The following ADAMTS3 variants were observed in gnomAD, a reference collection of about 807,000 sequenced individuals.
ADAMTS3 encodes the protein ADAM metallopeptidase with thrombospondin type 1 motif 3, also known as A disintegrin and metalloproteinase with thrombospondin motifs 3.
Under a neutral mutation model 129.0 loss-of-function variants are expected in ADAMTS3, and 73 were observed. The ratio of observed to expected loss-of-function variants is 0.57; its 90% confidence interval spans 0.47 to 0.69. ADAMTS3 has a LOEUF of 0.69. Among genes scored for constraint, ADAMTS3 ranks in the 30% least tolerant of loss-of-function variants. The probability of loss-of-function intolerance (pLI) is 0.00; values close to 1 mark genes in which losing one functional copy is unlikely to be tolerated. For synonymous variants in ADAMTS3, 477 were observed against 510.8 expected (o/e 0.93, Z 0.89); for missense variants, 1,457 against 1,514.5 (o/e 0.96, Z 0.63).
Position 72,304,066 on chromosome 4 carries a change from C to G in ADAMTS3, c.2275G>C (p.Ala759Pro). The G allele has an allele frequency of 6.2e-7, 1 of 1,613,302 alleles. No homozygotes were observed. Among genetic ancestry groups the G allele is most frequent in the Non-Finnish European group, 8.5e-7 (1 of 1,179,518 alleles). ...CCATTTAAAATATAATGGCCTGTAG[C>G]CTGGTTCTTAATAGCTAAAGGGAGA... ...SPHILAIKNQ[A>P]TGHYILNGKG... is the part of the protein sequence containing the mutation. The change falls in exon 17 of 22, where the codon GCT becomes CCT. Residue 759 changes from alanine to proline, a missense_variant. Transcript: ENST00000286657.
chr4:72,299,254 C>T (rs1019160748), intron 17 of ADAMTS3, among the ~76,000 whole-genome samples: 1 of 151,972 alleles, frequency 6.6e-6, no homozygotes, highest in Admixed American at 6.6e-5. Flanking sequence ...ATGATGGGAA[C>T]TTGCTTGGTG....
chr4:72,312,509 C>T, intron 12 of ADAMTS3, 43 bp from the exon 13 acceptor site: 1 of 1,596,990 alleles, frequency 6.3e-7, no homozygotes, highest in Non-Finnish European at 8.5e-7. Flanking sequence ...TGGCTTCTGT[C>T]TAGCAGTTGA....
rs1166988591 is a variant in ADAMTS3 at position 72,281,571 on chromosome 4, G to C, written c.*1565C>G. 1.3e-5 allele frequency: 2 copies of C among 152,114 alleles called. No individual in the cohort carries two copies. The allele number at this position is 152,114 out of a possible 1,614,324, so 9.4% of individuals were successfully genotyped here. On this transcript the variant is annotated 3_prime_UTR_variant, in exon 22 of 22. Transcript: ENST00000286657. ...ACAATTTCATTGAACAGCTAGCTGA[G>C]TCCATACAATTTAATGTTTCCTTGA...
At chr4:72,392,034 G>A (rs1721607984) in intron 4 of ADAMTS3, among the ~76,000 whole-genome samples, 1 of 152,200 alleles carries the variant, frequency 6.6e-6, no homozygotes, top group African/African-American at 2.4e-5. Context: ...GTGGCCCTAT[G>A]CTGAGCACAT....
At chr4:72,379,678 A>T (rs544229109) in intron 4 of ADAMTS3, among the ~76,000 whole-genome samples, 5 of 152,288 alleles carry the variant, frequency 3.3e-5, no homozygotes, top group Non-Finnish European at 7.4e-5. Flanking sequence ...CATCTGTAGT[A>T]TCACTATGCC....
intron 2 of ADAMTS3, among the ~76,000 whole-genome samples, chr4:72,561,169 G>A (rs1721894147): frequency 6.6e-6 from 1 of 152,086 alleles, no homozygotes; most frequent in Admixed American, 6.5e-5. Context: ...GGCCAAGATG[G>A]TGAAACTCGT....
intron 3 of ADAMTS3, among the ~76,000 whole-genome samples, chr4:72,463,254 A>G (rs1718821403): frequency 6.6e-6 from 1 of 152,134 alleles, no homozygotes; most frequent in South Asian, 2.1e-4. Flanking sequence ...GTGTAAGTAC[A>G]CTGCATGATG....
At chr4:72,437,270 A>C (rs1717967318) in intron 3 of ADAMTS3, among the ~76,000 whole-genome samples, 1 of 151,888 alleles carries the variant, frequency 6.6e-6, no homozygotes, top group Non-Finnish European at 1.5e-5. Flanking sequence ...GTACAAATGC[A>C]GTGTTGTTCC....
At chr4:72,450,106 C>A (rs946712123) in intron 3 of ADAMTS3, among the ~76,000 whole-genome samples, 6 of 151,680 alleles carry the variant, frequency 4.0e-5, no homozygotes, top group Non-Finnish European at 4.4e-5. Context: ...CTTAGGCCCT[C>A]AGTACATTCT....
chr4:72,546,153 C>T (rs537370941), intron 3 of ADAMTS3, among the ~76,000 whole-genome samples: 96 of 152,276 alleles, frequency 6.3e-4, no homozygotes, highest in Non-Finnish European at 9.0e-4. Flanking sequence ...TTTAGTCCTG[C>T]TCAAAATCTA....
At chr4:72,420,653 A>C (rs1196863668) in intron 3 of ADAMTS3, among the ~76,000 whole-genome samples, 1 of 152,152 alleles carries the variant, frequency 6.6e-6, no homozygotes, top group Non-Finnish European at 1.5e-5. Context: ...AGCTTGTTCA[A>C]CTATTTATCT....
At chr4:72,513,454 C>A (rs1720369157) in intron 3 of ADAMTS3, among the ~76,000 whole-genome samples, 1 of 152,164 alleles carries the variant, frequency 6.6e-6, no homozygotes, top group Non-Finnish European at 1.5e-5. Flanking sequence ...CTACTGCCCA[C>A]CACTGTCTTT....
intron 4 of ADAMTS3, among the ~76,000 whole-genome samples, chr4:72,370,898 T>C (rs1363502567): frequency 2.0e-5 from 3 of 152,180 alleles, no homozygotes; most frequent in Non-Finnish European, 4.4e-5. Context: ...ATGGTAATGT[T>C]ATTTGGAAGT....
intron 3 of ADAMTS3, among the ~76,000 whole-genome samples, chr4:72,498,621 CCTCT>C (rs753056611): frequency 8.7e-5 from 13 of 149,326 alleles, no homozygotes; most frequent in Non-Finnish European, 3.0e-5. Flanking sequence ...TTCAATATTC[CCTCT>C]CTCTCTCTCA....
intron 4 of ADAMTS3, among the ~76,000 whole-genome samples, chr4:72,378,879 AC>A (rs546919896): frequency 1.4e-4 from 21 of 152,104 alleles, no homozygotes; most frequent in Non-Finnish European, 2.9e-4. Context: ...TTTCTCCTAA[AC>A]TTTTTCTCTT....
rs1719264539 is a variant in ADAMTS3, at chr4:72,312,365, T to C, written c.1847A>G (p.Gln616Arg). The change falls in exon 13 of 22, where the codon CAG becomes CGG. Residue 616 changes from glutamine (Q) to arginine (R), a missense_variant. Transcript: ENST00000286657. ...AAAGTGGGAGTTTCGCTGCTGACAC[T>C]GCTGTGCTCTGAAGTCCTCAAAGTG... ...QKHFEDFRAQ[Q>R]CQQRNSHFEY... is the part of the protein sequence containing the mutation. 6.2e-7 allele frequency: 1 copy of C among 1,613,720 alleles called. No individual in the cohort carries two copies. Among genetic ancestry groups the C allele is most frequent in the Non-Finnish European group, 8.5e-7 (1 of 1,179,816 alleles).
chr4:72,315,730 A>G, intron 11 of ADAMTS3, 128 bp downstream of exon 11: 2 of 592,204 alleles, frequency 3.4e-6, no homozygotes, highest in Non-Finnish European at 5.7e-6. Context: ...CATTACTTTA[A>G]TAAAGCCTTG....
intron 4 of ADAMTS3, among the ~76,000 whole-genome samples, chr4:72,398,827 C>T (rs1230184769): frequency 6.6e-6 from 1 of 152,184 alleles, no homozygotes; most frequent in Non-Finnish European, 1.5e-5. Flanking sequence ...ATGCATCCCA[C>T]TCCTGAGTCC....
chr4:72,351,689 A>G (rs1720442001), intron 4 of ADAMTS3, among the ~76,000 whole-genome samples: 1 of 152,016 alleles, frequency 6.6e-6, no homozygotes, highest in Admixed American at 6.6e-5. Flanking sequence ...AAGAAAAAAA[A>G]AAGTGCTTGT....
Sources: allele counts gnomAD v4.1 joint callset (sites outside exome capture counted in the v4.1 genomes callset), GRCh38; gene constraint gnomAD v4.1.1; transcripts MANE v1.5; gene names NCBI Gene and HGNC (gene_info 2026-07-23, HGNC 2026-07-21).